PTGES: variants seen among roughly 807,000 people sequenced by gnomAD.
PTGES encodes prostaglandin E synthase.
PTGES carries 3 observed loss-of-function variants against 11.8 expected under a neutral mutation model. The observed-to-expected ratio is 0.25, with a 90% CI of 0.12 to 0.66. PTGES has a LOEUF of 0.66. Among genes scored for constraint, PTGES ranks in the 30% least tolerant of loss-of-function variants. The probability of loss-of-function intolerance (pLI) is 0.82; values close to 1 mark genes in which losing one functional copy is unlikely to be tolerated. For synonymous variants in PTGES, 94 were observed against 90.4 expected (o/e 1.04, Z -0.22); for missense variants, 180 against 213.0 (o/e 0.85, Z 0.96).
chr9:129,740,726 G>A (rs1422196075), intron 2 of PTGES, among the ~76,000 whole-genome samples: 1 of 152,100 alleles, frequency 6.6e-6, no homozygotes, highest in South Asian at 2.1e-4. Context: ...ACTAATGGCC[G>A]GCTTCCTTTA....
At chr9:129,747,789 C>T (rs1833061468) in intron 2 of PTGES, among the ~76,000 whole-genome samples, 2 of 151,938 alleles carry the variant, frequency 1.3e-5, no homozygotes, top group Non-Finnish European at 2.9e-5. Context: ...GCGGACAGAT[C>T]ATCTGAGGTC....
intron 2 of PTGES, among the ~76,000 whole-genome samples, chr9:129,743,639 C>T (rs1390667821): frequency 6.6e-6 from 1 of 152,202 alleles, no homozygotes; most frequent in African/African-American, 2.4e-5. Context: ...GCCCTGCTGG[C>T]ATCCACGGTG....
rs1554726900 is a variant in PTGES, at chr9:129,738,457, ACG to A, written c.*1152_*1153del. ...CACACACACACACACACACACACAC[ACG>A]GATTCCCCATCAAGGGGACATTTGC... On this transcript the variant is annotated 3_prime_UTR_variant, in exon 3 of 3. Coordinates refer to ENST00000340607, the MANE Select transcript of PTGES (RefSeq NM_004878.5). The surrounding 1 kb of genome is among the most constrained non-coding windows in gnomAD (Gnocchi z 4.2). 7.0e-6 allele frequency: 1 copy of A among 143,598 alleles called. No homozygotes were observed. The highest frequency in any genetic ancestry group is 1.5e-5 in the Non-Finnish European group (1 of 66,370). 8.9% of individuals were successfully genotyped at this position (143,598 alleles called of 1,614,324 possible). A position where few individuals can be genotyped will look rare whatever the true frequency, so the allele number is the denominator to read the frequency against.
chr9:129,746,257 G>T (rs1399055094), intron 2 of PTGES, among the ~76,000 whole-genome samples: 1 of 152,082 alleles, frequency 6.6e-6, no homozygotes, highest in Non-Finnish European at 1.5e-5. Flanking sequence ...CTGTGAGCTG[G>T]CCCCGGGCAA....
At chr9:129,751,709 G>T (rs1287756527) in intron 1 of PTGES, among the ~76,000 whole-genome samples, 1 of 152,022 alleles carries the variant, frequency 6.6e-6, no homozygotes, top group Admixed American at 6.6e-5. Flanking sequence ...CAGGATGTGG[G>T]CTCTGAAGCT....
intron 2 of PTGES, 23 bp downstream of exon 2, chr9:129,748,632 G>A: frequency 6.4e-7 from 1 of 1,551,868 alleles, no homozygotes. Context: ...GGTGTGGCCA[G>A]GCCAGGGGCC....
At chr9:129,744,465 C>G (rs1291113140) in intron 2 of PTGES, among the ~76,000 whole-genome samples, 1 of 151,320 alleles carries the variant, frequency 6.6e-6, no homozygotes, top group Non-Finnish European at 1.5e-5. Context: ...GTCCCAGCTA[C>G]TCAGGAGGCT....
At chr9:129,746,977 A>G (rs1176267889) in intron 2 of PTGES, among the ~76,000 whole-genome samples, 2 of 152,162 alleles carry the variant, frequency 1.3e-5, no homozygotes, top group East Asian at 1.9e-4. Flanking sequence ...CAGTGGCGCA[A>G]TCTTGGCTTA....
At chr9:129,742,578 G>A (rs1211679829) in intron 2 of PTGES, among the ~76,000 whole-genome samples, 6 of 152,102 alleles carry the variant, frequency 3.9e-5, no homozygotes, top group African/African-American at 1.2e-4. Context: ...TATGCAACTC[G>A]TTCACTCAGC....
chr9:129,745,458 G>T lies in PTGES; in HGVS notation c.209+3197C>A, dbSNP rs904669874. Among the ~76,000 whole-genome samples the T allele has an allele frequency of 1.3e-5, 2 of 152,180 alleles. No homozygotes were observed. Among genetic ancestry groups the T allele is most frequent in the South Asian group, 2.1e-4 (1 of 4,830 alleles). On this transcript the variant is annotated intron_variant, in intron 2 of 2. Coordinates refer to ENST00000340607, the MANE Select transcript of PTGES (RefSeq NM_004878.5). This position sits in a 1 kb window ranked among gnomAD's most constrained non-coding sequence, Gnocchi z 4.2. ...TTTAACCAACTTTTGCTTCCAGGTG[G>T]TCTCCCCCTTCGGGTTCCAGCCAGT...
chr9:129,739,818 GA>G lies in PTGES; in HGVS notation c.251del (p.Phe84SerfsTer45). 2 of 1,570,422 alleles carry G rather than the reference GA, an allele frequency of 1.3e-6. No individual in the cohort carries two copies. The highest frequency in any genetic ancestry group is 1.2e-5 in the South Asian group (1 of 85,300). The stretch of plus-strand genomic sequence containing the variant: ...CCAGAAAGGAGTAGACGAAGCCCAG[GA>G]AAAGGAAGGGGTAGATGGTCTCCAT... ...NDMETIYPFLFLGFVYSFLGP... is the reference protein window; with the variant it reads ...NDMETIYPFLXLGFVYSFLGP... On this transcript the variant is annotated frameshift_variant, in exon 3 of 3. Coordinates refer to ENST00000340607, the MANE Select transcript of PTGES (RefSeq NM_004878.5). LOFTEE classifies it high-confidence loss of function. The surrounding 1 kb of genome is among the most constrained non-coding windows in gnomAD (Gnocchi z 5.7).
At chr9:129,746,898 A>C (rs1190274837) in intron 2 of PTGES, among the ~76,000 whole-genome samples, 1 of 152,188 alleles carries the variant, frequency 6.6e-6, no homozygotes, top group East Asian at 1.9e-4. Context: ...GGATTTTACG[A>C]AGCCAGTTTT....
intron 2 of PTGES, among the ~76,000 whole-genome samples, chr9:129,744,186 T>A (rs1833027904): frequency 6.6e-6 from 1 of 152,046 alleles, no homozygotes; most frequent in South Asian, 2.1e-4. Flanking sequence ...ATCTCCTCCA[T>A]CGCCATCACC....
chr9:129,750,429 G>A (rs1833091668), intron 1 of PTGES, among the ~76,000 whole-genome samples: 1 of 152,120 alleles, frequency 6.6e-6, no homozygotes, highest in African/African-American at 2.4e-5. Flanking sequence ...CACCAACACC[G>A]AAGGCTCTGT....
chr9:129,749,994 G>A (rs1833087667), intron 1 of PTGES, among the ~76,000 whole-genome samples: 1 of 152,224 alleles, frequency 6.6e-6, no homozygotes, highest in South Asian at 2.1e-4. Context: ...TGAAAACTCA[G>A]GAGAAATCAC....
intron 2 of PTGES, among the ~76,000 whole-genome samples, chr9:129,746,939 G>C (rs993690107): frequency 1.3e-5 from 2 of 152,188 alleles, no homozygotes; most frequent in Admixed American, 1.3e-4. Flanking sequence ...TTGAGATGGA[G>C]TCTCACTCTA....
chr9:129,742,328 C>CAAAAAAAAAAAAA (rs1194614585), intron 2 of PTGES, among the ~76,000 whole-genome samples: 2 of 51,050 alleles, frequency 3.9e-5, no homozygotes, highest in Non-Finnish European at 8.6e-5. Flanking sequence ...GACTCTGTCT[C>CAAAAAAAAAAAAA]AAAAAAAAAA....
chr9:129,752,980 C>T lies in PTGES; in HGVS notation c.33G>A (p.Pro11=), dbSNP rs370202351. 1.6e-5 allele frequency: 25 copies of T among 1,609,654 alleles called. No homozygotes were observed. Among genetic ancestry groups the T allele is most frequent in the South Asian group, 1.1e-4 (10 of 91,092 alleles). MPAHSLVMSS[P]ALPAFLLCST... ...TGCAGAGCAGGAAGGCCGGGAGGGC[C>T]GGGCTGCTCATCACCAGGCTGTGGG... The change falls in exon 1 of 3, where the codon CCG becomes CCA. Residue 11 remains proline, a synonymous_variant. Transcript: ENST00000340607.
In PTGES at chr9:129,739,576, C is replaced by T. The variant is rs199537864; in HGVS notation, c.*35G>A. 1.9e-6 allele frequency: 3 copies of T among 1,541,220 alleles called. No individual in the cohort carries two copies. In the Admixed American group the frequency reaches 5.9e-5, roughly 30 times the overall value. The stretch of plus-strand genomic sequence containing the variant: ...GGTATAGCCACGGCGGCTCTTGGCC[C>T]ATGGTCTGGTGGCCAAGGAGGCATC... On this transcript the variant is annotated 3_prime_UTR_variant, in exon 3 of 3. Transcript: ENST00000340607. The surrounding 1 kb of genome is among the most constrained non-coding windows in gnomAD (Gnocchi z 5.7).
Sources: gnomAD v4.1 joint callset for allele counts (sites outside exome capture counted in the v4.1 genomes callset) on GRCh38, gnomAD v4.1.1 for gene constraint, Gnocchi (gnomAD v3.1) non-coding constraint, MANE v1.5 for transcripts, NCBI Gene and HGNC (gene_info 2026-07-23, HGNC 2026-07-21) for gene names.